SHANK2: variants seen among roughly 807,000 people sequenced by gnomAD.
SHANK2 encodes SH3 and multiple ankyrin repeat domains protein 2.
Under a neutral mutation model 133.7 loss-of-function variants are expected in SHANK2, and 43 were observed. The observed-to-expected ratio is 0.32, with a 90% CI of 0.25 to 0.41. The LOEUF (loss-of-function observed/expected upper bound fraction) is 0.41. SHANK2 is among the 10% of genes least tolerant of loss of function. The probability of loss-of-function intolerance (pLI) is 1.00; values close to 1 mark genes in which losing one functional copy is unlikely to be tolerated. For missense variants in SHANK2, 1,994 were observed against 2,235.8 expected (o/e 0.89, Z 2.18); for synonymous variants, 1,017 against 952.8 (o/e 1.07, Z -1.24).
Position 70,472,770 on chromosome 11 carries a change from G to T in SHANK2, c.*99C>A, listed in dbSNP as rs956053627. ...ACCAGGAGACAAACCCATGGAGTGG[G>T]GTTGATGCTCACAGACTTCGCTTGG... On this transcript the variant is annotated 3_prime_UTR_variant, in exon 26 of 26. Transcript: ENST00000601538. This position sits in a 1 kb window ranked among gnomAD's most constrained non-coding sequence, Gnocchi z 4.4. 1.0e-5 allele frequency: 12 copies of T among 1,180,600 alleles called. No homozygotes were observed. Among genetic ancestry groups the T allele is most frequent in the East Asian group, 2.3e-5 (1 of 42,928 alleles). The allele number at this position is 1,180,600 out of a possible 1,614,324, so 73.1% of individuals were successfully genotyped here. A position where few individuals can be genotyped will look rare whatever the true frequency, so the allele number is the denominator to read the frequency against.
intron 2 of SHANK2, among the ~76,000 whole-genome samples, chr11:71,148,398 A>G (rs554111331): frequency 6.6e-6 from 1 of 152,272 alleles, no homozygotes; most frequent in African/African-American, 2.4e-5. Context: ...CAAGGCTCTT[A>G]AGAAGGACAC....
At chr11:70,547,267 C>T (rs1463194660) in intron 17 of SHANK2, among the ~76,000 whole-genome samples, 1 of 152,130 alleles carries the variant, frequency 6.6e-6, no homozygotes, top group East Asian at 1.9e-4. Context: ...TATTTATTAA[C>T]AACTTTTTTT....
chr11:70,477,358 G>C (rs764624905), intron 25 of SHANK2: 2 of 152,258 alleles, frequency 1.3e-5, no homozygotes, highest in African/African-American at 2.4e-5. Flanking sequence ...GCCTGCCACA[G>C]CCTGCCCAGA....
chr11:70,767,437 C>T (rs1245025711), intron 14 of SHANK2, among the ~76,000 whole-genome samples: 4 of 152,136 alleles, frequency 2.6e-5, no homozygotes, highest in Non-Finnish European at 5.9e-5. Flanking sequence ...AGATGCAGCC[C>T]GAAGGGTGGG....
intron 14 of SHANK2, among the ~76,000 whole-genome samples, chr11:70,795,369 T>C (rs1947883543): frequency 6.6e-6 from 1 of 151,832 alleles, no homozygotes; most frequent in Non-Finnish European, 1.5e-5. Flanking sequence ...TCTAATCACA[T>C]GGGTTCTTTT....
At chr11:71,109,190 A>C (rs1407667929) in intron 6 of SHANK2, among the ~76,000 whole-genome samples, 1 of 151,690 alleles carries the variant, frequency 6.6e-6, no homozygotes, top group African/African-American at 2.4e-5. Flanking sequence ...TTGCATGGAG[A>C]CCCTCACCTC....
intron 10 of SHANK2, chr11:70,948,284 C>T (rs1284365354): frequency 1.1e-5 from 5 of 457,214 alleles, no homozygotes; most frequent in Non-Finnish European, 2.2e-5. Context: ...CGTTTCTCTG[C>T]TTACTTGTTA....
rs564301881 is a variant in SHANK2, at chr11:70,618,229, G to C, written c.2061+41599C>G. On this transcript the variant is annotated intron_variant, in intron 17 of 25. Coordinates refer to ENST00000601538, the MANE Select transcript of SHANK2 (RefSeq NM_012309.5). The stretch of plus-strand genomic sequence containing the variant: ...GAATCATTTGAACCCAGGAGGCAGA[G>C]GTTGCAGTGAGCCAAGATCACACCA... Among the ~76,000 whole-genome samples, 4 of 151,428 alleles carry C rather than the reference G, an allele frequency of 2.6e-5. No homozygotes were observed. In the South Asian group the frequency reaches 6.3e-4, roughly 24 times the overall value.
chr11:70,659,218 C>G (rs984957906), intron 17 of SHANK2, among the ~76,000 whole-genome samples: 2 of 152,188 alleles, frequency 1.3e-5, no homozygotes, highest in African/African-American at 4.8e-5. Context: ...AGAGAATGCT[C>G]TTTCCTTTTC....
rs1478335835 is a variant in SHANK2, at chr11:71,085,294, T to C, written c.912+7128A>G. On this transcript the variant is annotated intron_variant, in intron 8 of 25. Transcript: ENST00000601538. ...CAACATGTTGAAACCCTGTCTCTAC[T>C]AAAAATACAAAATTAGCTGGGCGTG... 6.6e-5 allele frequency among the ~76,000 whole-genome samples: 10 copies of C among 151,122 alleles called. No individual in the cohort carries two copies. The Admixed American group carries it at 6.7e-4, about 10-fold the overall frequency.
intron 10 of SHANK2, among the ~76,000 whole-genome samples, chr11:70,947,142 C>G (rs1950758333): frequency 1.1e-5 from 1 of 88,006 alleles, no homozygotes; most frequent in African/African-American, 4.4e-5. Context: ...AACACACACA[C>G]ACACACACAC....
chr11:70,601,674 C>T (rs2060499854), intron 17 of SHANK2, among the ~76,000 whole-genome samples: 1 of 152,144 alleles, frequency 6.6e-6, no homozygotes, highest in Non-Finnish European at 1.5e-5. Context: ...ATATAAAGAA[C>T]ACAAATCAAT....
At chr11:70,907,526 T>A (rs1471248702) in intron 10 of SHANK2, 1 of 172,234 alleles carries the variant, frequency 5.8e-6, no homozygotes, top group African/African-American at 2.4e-5. Context: ...ATGACTATCA[T>A]GAGAATTAAA....
chr11:70,840,260 G>C, intron 11 of SHANK2, among the ~76,000 whole-genome samples: 1 of 152,300 alleles, frequency 6.6e-6, no homozygotes, highest in South Asian at 2.1e-4. Flanking sequence ...TGGGTGCCTC[G>C]GAGGGCAGGT....
intron 2 of SHANK2, among the ~76,000 whole-genome samples, chr11:71,221,937 G>A (rs1053175436): frequency 6.6e-6 from 1 of 152,174 alleles, no homozygotes; most frequent in East Asian, 1.9e-4. Flanking sequence ...AGCCACTGAG[G>A]AGTAGGGTCC....
At chr11:70,707,741 C>T (rs529914605) in intron 14 of SHANK2, among the ~76,000 whole-genome samples, 5 of 152,122 alleles carry the variant, frequency 3.3e-5, no homozygotes, top group East Asian at 1.9e-4. Context: ...CTGGGGAAGC[C>T]GTCGAGTCAC....
chr11:70,952,921 C>T (rs1322093176), intron 10 of SHANK2: 18 of 223,278 alleles, frequency 8.1e-5, no homozygotes, highest in African/African-American at 3.0e-4. Context: ...AAGCTGACCC[C>T]GAGGTGTCAT....
intron 9 of SHANK2, among the ~76,000 whole-genome samples, chr11:71,073,136 C>CTTTTCTTTTTTTTTTTTTTTTTTTTTTTT (rs1951164763): frequency 5.5e-5 from 4 of 72,336 alleles, no homozygotes; most frequent in Non-Finnish European, 1.4e-4. Context: ...TGTTTTTTTT[C>CTTTTCTTTTTTTTTTTTTTTTTTTTTTTT]TTTTTCTTTT....
chr11:70,929,079 A>G (rs1555082088), intron 10 of SHANK2, among the ~76,000 whole-genome samples: 2 of 152,240 alleles, frequency 1.3e-5, no homozygotes, highest in African/African-American at 4.8e-5. Context: ...GACAGGGAGA[A>G]CAATGCGCCC....
Sources: gnomAD v4.1 joint callset for allele counts (sites outside exome capture counted in the v4.1 genomes callset) on GRCh38, gnomAD v4.1.1 for gene constraint, Gnocchi (gnomAD v3.1) non-coding constraint, MANE v1.5 for transcripts, NCBI Gene and HGNC (gene_info 2026-07-23, HGNC 2026-07-21) for gene names.